ITCH: variants seen among roughly 807,000 people sequenced by gnomAD.
The protein encoded by ITCH is itchy E3 ubiquitin protein ligase, also known as E3 ubiquitin-protein ligase Itchy homolog.
In ITCH, 28 loss-of-function variants were observed where a neutral mutation model predicts 126.8. The observed-to-expected ratio is 0.22, with a 90% CI of 0.16 to 0.30. The LOEUF (loss-of-function observed/expected upper bound fraction) is 0.30. Among genes scored for constraint, ITCH ranks in the 10% least tolerant of loss-of-function variants. The pLI is 1.00. For missense variants in ITCH, 631 were observed against 1,032.4 expected, an observed-to-expected ratio of 0.61 and a Z score of 5.33; for synonymous variants, 342 against 340.0, an observed-to-expected ratio of 1.01 and a Z score of -0.06.
Position 34,456,043 on chromosome 20 carries a change from G to T in ITCH, c.1211-1347G>T, listed in dbSNP as rs896342500. 4.7e-5 allele frequency among the ~76,000 whole-genome samples: 7 copies of T among 150,192 alleles called. No individual in the cohort carries two copies. The South Asian group carries it at 1.5e-3, about 32-fold the overall frequency. ...TTAAGAAAGGAAGTATTTTTTAGTT[G>T]AATAATGCCTAGCATATACCTTATA... is the stretch of plus-strand genomic sequence containing the variant. On this transcript the variant is annotated intron_variant, in intron 12 of 24. Coordinates refer to ENST00000374864, the MANE Select transcript of ITCH (RefSeq NM_031483.7).
At position 34,481,136 on chromosome 20, in the gene ITCH, A is replaced by G. The variant is rs772840953; in HGVS notation, c.2023A>G (p.Lys675Glu). Reference protein sequence around the residue: ...SVDKEILGEIKSHDLKPNGGN... With the variant: ...SVDKEILGEIESHDLKPNGGN... ...TGACAAAGAAATTCTAGGTGAAATT[A>G]AGAGTCATGATCTGAAACCTAATGG... The change falls in exon 20 of 25, where the codon AAG becomes GAG. Residue 675 changes from lysine to glutamate, a missense_variant. Lys to Glu is a moderately conservative substitution (Grantham distance 56, BLOSUM62 1). Coordinates refer to ENST00000374864, the MANE Select transcript of ITCH (RefSeq NM_031483.7). 3 of 1,613,048 alleles carry G rather than the reference A, an allele frequency of 1.9e-6. No homozygotes were observed. Among genetic ancestry groups the G allele is most frequent in the African/African-American group, 2.7e-5 (2 of 74,912 alleles).
chr20:34,490,768 A>G (rs1989453464), intron 22 of ITCH, among the ~76,000 whole-genome samples: 1 of 152,238 alleles, frequency 6.6e-6, no homozygotes, highest in Admixed American at 6.5e-5. Context: ...CTGTGGAAAT[A>G]GTTTGGTGGT....
At chr20:34,431,289 T>A (rs572514670) in intron 7 of ITCH, among the ~76,000 whole-genome samples, 1 of 152,258 alleles carries the variant, frequency 6.6e-6, no homozygotes, top group East Asian at 1.9e-4. Flanking sequence ...AGCATGCTCC[T>A]GTAGTCCCAG....
At chr20:34,402,418 C>T (rs2038918527) in intron 3 of ITCH, 2 of 773,538 alleles carry the variant, frequency 2.6e-6, no homozygotes, top group Admixed American at 1.7e-5. Context: ...ACAGTGGCAC[C>T]CACTTTTCTT....
Position 34,489,367 on chromosome 20 carries a change from T to C in ITCH, c.2195T>C (p.Phe732Ser). The change falls in exon 21 of 25, where the codon TTT becomes TCT. Residue 732 changes from phenylalanine (F) to serine (S), a missense_variant. Transcript: ENST00000374864. Reference sequence around the variant, plus strand: ...CTTCCCCAGCAATATTTGCAATACTTTGATGCAAAGGAATTAGAGGTAATG... The same window carrying C: ...CTTCCCCAGCAATATTTGCAATACTCTGATGCAAAGGAATTAGAGGTAATG... ...EILPQQYLQY[F>S]DAKELEVLLC... is the part of the protein sequence containing the mutation. 1 of 1,613,142 alleles carries C rather than the reference T, an allele frequency of 6.2e-7. No individual in the cohort carries two copies. Among genetic ancestry groups the C allele is most frequent in the Non-Finnish European group, 8.5e-7 (1 of 1,179,352 alleles).
intron 2 of ITCH, 165 bp downstream of exon 2, chr20:34,369,635 A>G (rs1286782656): frequency 7.7e-6 from 3 of 390,932 alleles, no homozygotes; most frequent in Non-Finnish European, 1.4e-5. Flanking sequence ...CTGCCTCTGC[A>G]GGGATTAGCC....
intron 11 of ITCH, 99 bp from the exon 12 acceptor site, chr20:34,449,312 G>T: frequency 1.4e-6 from 1 of 732,176 alleles, no homozygotes; most frequent in Non-Finnish European, 2.5e-6. Context: ...AACTCTCTGT[G>T]TTATACATTG....
chr20:34,495,346 T>A (rs1053957393), intron 23 of ITCH, among the ~76,000 whole-genome samples: 2 of 149,738 alleles, frequency 1.3e-5, no homozygotes, highest in Non-Finnish European at 3.0e-5. Context: ...CGGTAAATTG[T>A]TGTTGATTAT....
chr20:34,417,961 T>C (rs1021989308), intron 6 of ITCH, among the ~76,000 whole-genome samples: 1 of 151,562 alleles, frequency 6.6e-6, no homozygotes, highest in Non-Finnish European at 1.5e-5. Flanking sequence ...TGCATTTTAC[T>C]TTCAACTTTT....
rs1979429295 is a variant in ITCH, at chr20:34,413,939, G to A, written c.475+60G>A. On this transcript the variant is annotated intron_variant, in intron 6 of 24. Transcript: ENST00000374864. The stretch of plus-strand genomic sequence containing the variant: ...CTTCTTAAATAAAATAGCCATTGTA[G>A]TATGCTGTATGTAATTATTTTGATT... 2.3e-6 allele frequency: 3 copies of A among 1,323,272 alleles called. No individual in the cohort carries two copies. The African/African-American group carries it at 4.4e-5, about 19-fold the overall frequency. The allele number at this position is 1,323,272 out of a possible 1,614,324, so 82.0% of individuals were successfully genotyped here.
At chr20:34,503,890 T>G (rs1324751285) in intron 23 of ITCH, among the ~76,000 whole-genome samples, 3 of 144,748 alleles carry the variant, frequency 2.1e-5, no homozygotes, top group Non-Finnish European at 4.5e-5. Flanking sequence ...TTTTGGTTTT[T>G]TTTTTTTTTG....
chr20:34,426,125 T>G (rs1194396465), intron 7 of ITCH, among the ~76,000 whole-genome samples: 2 of 152,256 alleles, frequency 1.3e-5, no homozygotes, highest in East Asian at 3.8e-4. Context: ...GTGGCATGTC[T>G]TAACCACAGA....
chr20:34,388,123 G>A (rs1015698131), intron 2 of ITCH, among the ~76,000 whole-genome samples: 6 of 148,218 alleles, frequency 4.0e-5, no homozygotes, highest in African/African-American at 1.5e-4. Context: ...TTTGAGACAC[G>A]GTCTCACTGT....
chr20:34,467,196 C>CTA (rs1207833688), intron 14 of ITCH, among the ~76,000 whole-genome samples: 1 of 152,088 alleles, frequency 6.6e-6, no homozygotes, highest in Non-Finnish European at 1.5e-5. Flanking sequence ...GATAGTAAGT[C>CTA]TAAATATCCC....
intron 1 of ITCH, among the ~76,000 whole-genome samples, chr20:34,365,565 C>G (rs932645713): frequency 5.9e-5 from 9 of 152,084 alleles, no homozygotes; most frequent in African/African-American, 2.2e-4. Context: ...CAGGCGCGTG[C>G]CACCACTCCC....
intron 12 of ITCH, chr20:34,451,054 G>T (rs1190129275): frequency 6.6e-6 from 1 of 152,200 alleles, no homozygotes; most frequent in African/African-American, 2.4e-5. Context: ...TTAGGAGGCT[G>T]AGGCAGGTGA....
intron 3 of ITCH, among the ~76,000 whole-genome samples, chr20:34,403,939 G>T (rs1159084999): frequency 6.6e-6 from 1 of 152,154 alleles, no homozygotes; most frequent in African/African-American, 2.4e-5. Context: ...TTAGTAGGAG[G>T]CTGGAAGGGT....
At chr20:34,400,380 G>A (rs2038832878) in intron 3 of ITCH, among the ~76,000 whole-genome samples, 1 of 152,106 alleles carries the variant, frequency 6.6e-6, no homozygotes. Context: ...GATTGCTGCT[G>A]TTTAAATGCA....
At chr20:34,417,627 G>A (rs1026349713) in intron 6 of ITCH, among the ~76,000 whole-genome samples, 1 of 149,290 alleles carries the variant, frequency 6.7e-6, no homozygotes, top group Non-Finnish European at 1.5e-5. Context: ...GTCGAACTCC[G>A]GACCTCAGTT....
Sources: gnomAD v4.1 joint callset for allele counts (sites outside exome capture counted in the v4.1 genomes callset) on GRCh38, gnomAD v4.1.1 for gene constraint, MANE v1.5 for transcripts, NCBI Gene and HGNC (gene_info 2026-07-23, HGNC 2026-07-21) for gene names.